HIP1: variants seen among roughly 807,000 people sequenced by gnomAD.
The protein encoded by HIP1 is huntingtin interacting protein 1.
A neutral mutation model predicts 147.6 loss-of-function variants in HIP1; 65 were observed. The observed-to-expected ratio is 0.44, with a 90% CI of 0.36 to 0.54. HIP1 has a LOEUF of 0.54. HIP1 is among the 20% of genes least tolerant of loss of function. HIP1 has a pLI of 0.00. For synonymous variants in HIP1, 479 were observed against 504.0 expected, an observed-to-expected ratio of 0.95 and a Z score of 0.67; for missense variants, 1,061 against 1,299.6, an observed-to-expected ratio of 0.82 and a Z score of 2.82.
At chr7:75,651,460 CAAAAAAAAAAAAAAA>C (rs1168846001) in intron 1 of HIP1, among the ~76,000 whole-genome samples, 5 of 44,102 alleles carry the variant, frequency 1.1e-4, no homozygotes, top group African/African-American at 1.8e-4. Context: ...CTCCATATCT[CAAAAAAAAAAAAAAA>C]AAAAAAAAAA....
intron 1 of HIP1, among the ~76,000 whole-genome samples, chr7:75,651,460 C>CAA (rs1168846001): frequency 0.016 from 704 of 44,036 alleles, 39 homozygotes; most frequent in East Asian, 0.032. Context: ...CTCCATATCT[C>CAA]AAAAAAAAAA....
At chr7:75,683,229 C>G (rs1168261389) in intron 1 of HIP1, among the ~76,000 whole-genome samples, 1 of 152,038 alleles carries the variant, frequency 6.6e-6, no homozygotes, top group Non-Finnish European at 1.5e-5. Context: ...GATCCACCTG[C>G]CTCAGCCTCC....
At chr7:75,734,068 G>T (rs1333203869) in intron 1 of HIP1, among the ~76,000 whole-genome samples, 1 of 151,828 alleles carries the variant, frequency 6.6e-6, no homozygotes, top group Middle Eastern at 3.2e-3. Flanking sequence ...CAACAAGTGA[G>T]ACCCTGTCTC....
At chr7:75,585,468 G>A (rs587707526) in intron 5 of HIP1, among the ~76,000 whole-genome samples, 6 of 152,056 alleles carry the variant, frequency 3.9e-5, no homozygotes, top group Admixed American at 3.3e-4. Flanking sequence ...GAGCCACTGC[G>A]CCCAACCCCA....
At chr7:75,565,654 C>T (rs1795373779) in intron 9 of HIP1, among the ~76,000 whole-genome samples, 1 of 151,980 alleles carries the variant, frequency 6.6e-6, no homozygotes, top group African/African-American at 2.4e-5. Flanking sequence ...GTCAGGAGGC[C>T]CTTCTCAGCC....
chr7:75,554,164 T>G lies in HIP1; in HGVS notation c.2107A>C (p.Ile703Leu). ...TLLAHLTSDA[I>L]AHGATTCLRA... ...AGGCAGGTGGTGGCACCATGAGCAA[T>G]GGCGTCGCTGGTCAAGTGGGCCAGC... Residue 703 changes from isoleucine (I) to leucine (L), a missense_variant, in exon 21 of 31, where the codon ATT becomes CTT. Transcript: ENST00000336926. The G allele has an allele frequency of 1.2e-6, 2 of 1,614,006 alleles. No homozygotes were observed. The highest frequency in any genetic ancestry group is 1.7e-6 in the Non-Finnish European group (2 of 1,180,006).
chr7:75,627,831 C>A (rs1482256650), intron 1 of HIP1, among the ~76,000 whole-genome samples: 4 of 152,124 alleles, frequency 2.6e-5, no homozygotes, highest in Admixed American at 6.6e-5. Flanking sequence ...GTTGAGTAGA[C>A]CTCAGGATGA....
At chr7:75,574,821 C>A (rs587689701) in intron 7 of HIP1, among the ~76,000 whole-genome samples, 1 of 152,064 alleles carries the variant, frequency 6.6e-6, no homozygotes, top group African/African-American at 2.4e-5. Flanking sequence ...CCTACCATGG[C>A]GGACATGGAG....
At chr7:75,548,297 G>T (rs587721240) in intron 23 of HIP1, among the ~76,000 whole-genome samples, 3 of 152,000 alleles carry the variant, frequency 2.0e-5, no homozygotes, top group Admixed American at 2.0e-4. Flanking sequence ...AAAGTGCTGG[G>T]AATACAGGCG....
intron 1 of HIP1, among the ~76,000 whole-genome samples, chr7:75,652,090 TG>T (rs1253054261): frequency 2.0e-5 from 3 of 150,820 alleles, no homozygotes; most frequent in African/African-American, 7.3e-5. Context: ...CCAAGGCAGG[TG>T]GATCACCTGA....
chr7:75,634,921 C>A, intron 1 of HIP1, among the ~76,000 whole-genome samples: 1 of 107,408 alleles, frequency 9.3e-6, no homozygotes, highest in Admixed American at 1.5e-4. Flanking sequence ...GGCTAGGTGA[C>A]AGAGTGAGAC....
At chr7:75,562,883 T>G in intron 11 of HIP1, 52 bp downstream of exon 11, 1 of 1,599,042 alleles carries the variant, frequency 6.3e-7, no homozygotes, top group East Asian at 2.2e-5. Flanking sequence ...GCCTCTCCCC[T>G]GTACTTGCAG....
chr7:75,711,377 T>TA (rs1284892320), intron 1 of HIP1, among the ~76,000 whole-genome samples: 2 of 152,084 alleles, frequency 1.3e-5, no homozygotes, highest in African/African-American at 4.8e-5. Flanking sequence ...CAAGGACCAA[T>TA]AAAATCTTGG....
chr7:75,730,551 C>G (rs1339693605), intron 1 of HIP1, among the ~76,000 whole-genome samples: 1 of 151,394 alleles, frequency 6.6e-6, no homozygotes, highest in Non-Finnish European at 1.5e-5. Flanking sequence ...GTTGGTCAGG[C>G]TGGTCTTGAA....
At chr7:75,716,510 C>A (rs1460614574) in intron 1 of HIP1, among the ~76,000 whole-genome samples, 3 of 149,590 alleles carry the variant, frequency 2.0e-5, no homozygotes, top group African/African-American at 7.4e-5. Context: ...GCATGAGCCA[C>A]CGTGCCTGGA....
intron 1 of HIP1, among the ~76,000 whole-genome samples, chr7:75,668,744 T>G (rs1799636624): frequency 6.6e-6 from 1 of 152,240 alleles, no homozygotes; most frequent in Admixed American, 6.5e-5. Flanking sequence ...GTTTTCACTC[T>G]TGGACACCTG....
chr7:75,605,472 C>T (rs1797189276), intron 1 of HIP1, among the ~76,000 whole-genome samples: 1 of 152,080 alleles, frequency 6.6e-6, no homozygotes, highest in African/African-American at 2.4e-5. Flanking sequence ...CCAGCAGTGG[C>T]GGCAGCTGGG....
At chr7:75,620,276 C>T (rs1797801720) in intron 1 of HIP1, among the ~76,000 whole-genome samples, 1 of 151,380 alleles carries the variant, frequency 6.6e-6, no homozygotes, top group African/African-American at 2.4e-5. Flanking sequence ...GTTCCAGCTA[C>T]TTGGGAGGCT....
chr7:75,702,872 C>A (rs1178208728), intron 1 of HIP1, among the ~76,000 whole-genome samples: 3 of 152,150 alleles, frequency 2.0e-5, no homozygotes, highest in African/African-American at 7.2e-5. Flanking sequence ...CACTCATCCC[C>A]ACCCCGCAGG....
Sources: gnomAD v4.1 joint callset for allele counts (sites outside exome capture counted in the v4.1 genomes callset) on GRCh38, gnomAD v4.1.1 for gene constraint, MANE v1.5 for transcripts, NCBI Gene and HGNC (gene_info 2026-07-23, HGNC 2026-07-21) for gene names.